Variants in CSNK1G1 observed in about 807,000 individuals in gnomAD.
The protein encoded by CSNK1G1 is casein kinase I isoform gamma-1.
Under a neutral mutation model 59.6 loss-of-function variants are expected in CSNK1G1, and 22 were observed. That is an observed-to-expected ratio of 0.37 (90% CI 0.26 to 0.53). The LOEUF (loss-of-function observed/expected upper bound fraction) is 0.53, where lower values mean the gene tolerates loss of function less well. Among genes scored for constraint, CSNK1G1 ranks in the 20% least tolerant of loss-of-function variants. CSNK1G1 has a pLI of 0.89. For missense variants in CSNK1G1, 384 were observed against 519.5 expected (o/e 0.74, Z 2.54); for synonymous variants, 179 against 177.1 (o/e 1.01, Z -0.08).
chr15:64,245,315 T>C (rs1311241258), intron 4 of CSNK1G1, among the ~76,000 whole-genome samples: 1 of 152,110 alleles, frequency 6.6e-6, no homozygotes, highest in East Asian at 1.9e-4. Context: ...AGACAACCAG[T>C]AGAATAAGAG....
chr15:64,241,675 T>C (rs572909711), intron 4 of CSNK1G1, among the ~76,000 whole-genome samples: 3 of 151,974 alleles, frequency 2.0e-5, no homozygotes, highest in Non-Finnish European at 4.4e-5. Flanking sequence ...TATAAATACA[T>C]GGAAATTCAA....
chr15:64,271,725 A>C (rs1188029916), intron 2 of CSNK1G1, among the ~76,000 whole-genome samples: 2 of 152,228 alleles, frequency 1.3e-5, no homozygotes, highest in Admixed American at 1.3e-4. Flanking sequence ...GATGAGAAGA[A>C]TGTATATTCT....
intron 10 of CSNK1G1, chr15:64,181,488 G>A: frequency 2.1e-6 from 3 of 1,409,102 alleles, no homozygotes; most frequent in Non-Finnish European, 2.8e-6. Context: ...ATATGCCCTT[G>A]GATAAGTACT....
intron 2 of CSNK1G1, among the ~76,000 whole-genome samples, chr15:64,293,530 GA>G (rs1894853447): frequency 6.6e-6 from 1 of 152,198 alleles, no homozygotes; most frequent in East Asian, 1.9e-4. Flanking sequence ...AGGGCAAACT[GA>G]CAATGTGTAA....
At chr15:64,269,474 T>C (rs1473260196) in intron 2 of CSNK1G1, among the ~76,000 whole-genome samples, 1 of 151,580 alleles carries the variant, frequency 6.6e-6, no homozygotes, top group East Asian at 1.9e-4. Context: ...GAGGTGTTTG[T>C]AGCAGTTTCT....
intron 2 of CSNK1G1, 75 bp downstream of exon 2, chr15:64,300,244 C>T: frequency 7.1e-7 from 1 of 1,409,164 alleles, no homozygotes; most frequent in South Asian, 1.3e-5. Context: ...CTATAAACGG[C>T]TTGTCTTGAA....
At chr15:64,213,093 A>G (rs2082268757) in intron 6 of CSNK1G1, among the ~76,000 whole-genome samples, 1 of 152,206 alleles carries the variant, frequency 6.6e-6, no homozygotes, top group African/African-American at 2.4e-5. Flanking sequence ...GCCTAGGAGT[A>G]TGGAATCTGA....
intron 1 of CSNK1G1, among the ~76,000 whole-genome samples, chr15:64,311,787 C>T (rs150668385): frequency 1.4e-3 from 207 of 151,200 alleles, no homozygotes; most frequent in Middle Eastern, 6.8e-3. Flanking sequence ...GGCTGAGGCA[C>T]GGGAATTGCT....
At position 64,169,130 on chromosome 15, in the gene CSNK1G1, T is replaced by TTGTGTG; in HGVS notation, c.*2795_*2800dup. On this transcript the variant is annotated 3_prime_UTR_variant, in exon 12 of 12. Coordinates refer to ENST00000303052, the MANE Select transcript of CSNK1G1 (RefSeq NM_022048.5). ...GCCAAGCTGGTCAGTGCCTTTGCTT[T>TTGTGTG]TGTGTGTGTGTGTGTGGAAGCAGGG... 6.6e-6 allele frequency: 1 copy of TTGTGTG among 151,490 alleles called. No homozygotes were observed. Among genetic ancestry groups the TTGTGTG allele is most frequent in the East Asian group, 1.9e-4 (1 of 5,166 alleles). 9.4% of individuals were successfully genotyped at this position (151,490 alleles called of 1,614,324 possible).
intron 1 of CSNK1G1, among the ~76,000 whole-genome samples, chr15:64,307,473 G>A (rs955617481): frequency 6.6e-6 from 1 of 152,094 alleles, no homozygotes; most frequent in African/African-American, 2.4e-5. Flanking sequence ...CAGCACTTTG[G>A]GAGGCTGAGG....
At chr15:64,303,301 A>T (rs960113753) in intron 1 of CSNK1G1, among the ~76,000 whole-genome samples, 14 of 6,706 alleles carry the variant, frequency 2.1e-3, no homozygotes, top group Middle Eastern at 0.17. Context: ...AATTAAATTA[A>T]AAAAAAAAAA....
chr15:64,189,312 T>G (rs765901842), intron 10 of CSNK1G1: 86 of 1,110,558 alleles, frequency 7.7e-5, no homozygotes, highest in Non-Finnish European at 9.3e-5. Flanking sequence ...TGCTTTCACC[T>G]TAGTATCATT....
intron 1 of CSNK1G1, among the ~76,000 whole-genome samples, chr15:64,314,140 A>G (rs1241514086): frequency 6.6e-6 from 1 of 152,170 alleles, no homozygotes; most frequent in Non-Finnish European, 1.5e-5. Flanking sequence ...TGTTCTTGCT[A>G]TGTAGCCCAG....
At chr15:64,227,013 G>C (rs1280385936) in intron 4 of CSNK1G1, among the ~76,000 whole-genome samples, 1 of 152,156 alleles carries the variant, frequency 6.6e-6, no homozygotes, top group African/African-American at 2.4e-5. Context: ...TTAATTTTTT[G>C]TATGTCAGCA....
intron 4 of CSNK1G1, among the ~76,000 whole-genome samples, chr15:64,246,970 C>T (rs550011352): frequency 2.0e-5 from 3 of 152,168 alleles, no homozygotes; most frequent in Admixed American, 1.3e-4. Flanking sequence ...AGTCAATTAA[C>T]GAACATATAC....
At chr15:64,341,619 C>T (rs551871568) in intron 1 of CSNK1G1, among the ~76,000 whole-genome samples, 27 of 152,184 alleles carry the variant, frequency 1.8e-4, no homozygotes, top group African/African-American at 5.5e-4. Flanking sequence ...ACTACCAGCT[C>T]GTGCCATGAC....
chr15:64,229,034 A>G (rs544599447), intron 4 of CSNK1G1, among the ~76,000 whole-genome samples: 43 of 151,712 alleles, frequency 2.8e-4, no homozygotes, highest in East Asian at 1.2e-3. Context: ...AAAAAAAAAA[A>G]AAAAGAAAAA....
intron 2 of CSNK1G1, among the ~76,000 whole-genome samples, chr15:64,299,329 C>T (rs953755484): frequency 6.6e-6 from 1 of 152,170 alleles, no homozygotes; most frequent in Non-Finnish European, 1.5e-5. Context: ...TGGCTCACGC[C>T]TGTAATCCCA....
At chr15:64,315,750 T>C (rs1896231780) in intron 1 of CSNK1G1, 1 of 152,138 alleles carries the variant, frequency 6.6e-6, no homozygotes, top group African/African-American at 2.4e-5. Flanking sequence ...ACAACTGTCC[T>C]CCTGAAACAA....
Sources: allele counts gnomAD v4.1 joint callset (sites outside exome capture counted in the v4.1 genomes callset), GRCh38; gene constraint gnomAD v4.1.1; transcripts MANE v1.5; gene names NCBI Gene and HGNC (gene_info 2026-07-23, HGNC 2026-07-21).